The following PCDHA1 variants were observed in gnomAD, a reference collection of about 807,000 sequenced individuals.
PCDHA1 encodes protocadherin alpha 1.
A neutral mutation model predicts 61.3 loss-of-function variants in PCDHA1; 42 were observed. That is an observed-to-expected ratio of 0.69 (90% CI 0.54 to 0.89). The LOEUF (loss-of-function observed/expected upper bound fraction) is 0.89, where lower values mean the gene tolerates loss of function less well. Among genes scored for constraint, PCDHA1 ranks in the 40% least tolerant of loss-of-function variants. The pLI is 0.00. For synonymous variants in PCDHA1, 610 were observed against 553.8 expected (o/e 1.10, Z -1.43); for missense variants, 1,256 against 1,235.3 (o/e 1.02, Z -0.25).
intron 1 of PCDHA1, among the ~76,000 whole-genome samples, chr5:140,834,039 C>T (rs2150213066): frequency 6.6e-6 from 1 of 152,144 alleles, no homozygotes; most frequent in Non-Finnish European, 1.5e-5. Flanking sequence ...CATCAGTCGC[C>T]TAAGAATGCT....
At chr5:140,849,641 C>T (rs2150443548) in intron 1 of PCDHA1, 8 of 1,598,742 alleles carry the variant, frequency 5.0e-6, no homozygotes, top group East Asian at 2.2e-5. Flanking sequence ...CAGATGCCAA[C>T]GGGCAGGTTA....
intron 1 of PCDHA1, among the ~76,000 whole-genome samples, chr5:140,820,471 G>T (rs1189963482): frequency 6.6e-6 from 1 of 151,866 alleles, no homozygotes; most frequent in Non-Finnish European, 1.5e-5. Flanking sequence ...ACAGGTAAGG[G>T]ATATTTTGTA....
At chr5:140,802,983 G>T in intron 1 of PCDHA1, 4 of 1,614,026 alleles carry the variant, frequency 2.5e-6, no homozygotes, top group South Asian at 1.1e-5. Flanking sequence ...GAAGGTGCGC[G>T]CAGTGGATGC....
At position 140,962,458 on chromosome 5, in the gene PCDHA1, G is replaced by A. The variant is rs535139362; in HGVS notation, c.2395-16491G>A. ...CCAAAGATGGCTTGAATCTCTTATG[G>A]CTTGAATCTCTTTGTTTATTCTAAG... On this transcript the variant is annotated intron_variant, in intron 1 of 3. Transcript: ENST00000504120. Among the ~76,000 whole-genome samples, 222 of 152,088 alleles carry A rather than the reference G, an allele frequency of 1.5e-3. 9 individuals carry two copies. In the South Asian group the frequency reaches 0.044, roughly 30 times the overall value.
Position 140,852,095 on chromosome 5 carries a change from A to T in PCDHA1, c.2394+63411A>T. The stretch of plus-strand genomic sequence containing the variant: ...CAGCTATTTTATTTAATATTGTGTC[A>T]GATATTTTACAAGGTATGACCTAAT... On this transcript the variant is annotated intron_variant, in intron 1 of 3. Transcript: ENST00000504120. 16 of 908,222 alleles carry T rather than the reference A, an allele frequency of 1.8e-5. 1 individual carries two copies. Among genetic ancestry groups the T allele is most frequent in the Non-Finnish European group, 2.1e-5 (16 of 745,934 alleles). The allele number at this position is 908,222 out of a possible 1,614,324, so 56.3% of individuals were successfully genotyped here.
At chr5:140,941,317 C>T (rs1264351232) in intron 1 of PCDHA1, among the ~76,000 whole-genome samples, 5 of 99,210 alleles carry the variant, frequency 5.0e-5, no homozygotes, top group Admixed American at 1.1e-4. Flanking sequence ...TTTCTTCTTT[C>T]TCTTTTTTTT....
intron 3 of PCDHA1, among the ~76,000 whole-genome samples, chr5:140,998,569 G>GTT (rs71574497): frequency 0.068 from 10,108 of 149,316 alleles, 392 homozygotes; most frequent in Middle Eastern, 0.14. Flanking sequence ...TTGTAAATAA[G>GTT]TTTTTTTTTT....
chr5:140,859,951 A>G (rs1376166288), intron 1 of PCDHA1: 3 of 151,970 alleles, frequency 2.0e-5, no homozygotes, highest in African/African-American at 7.3e-5. Context: ...ACTCATATCA[A>G]TTGTAAAAGT....
intron 1 of PCDHA1, chr5:140,836,768 A>G: frequency 9.0e-6 from 14 of 1,555,112 alleles, no homozygotes; most frequent in Non-Finnish European, 1.2e-5. Flanking sequence ...GTTTCCAACA[A>G]TTTTAAAACA....
chr5:140,900,030 G>A (rs1159979332), intron 1 of PCDHA1, among the ~76,000 whole-genome samples: 1 of 152,086 alleles, frequency 6.6e-6, no homozygotes, highest in Admixed American at 6.6e-5. Context: ...GTTTGGCCTT[G>A]AATTCCTGGG....
intron 1 of PCDHA1, chr5:140,968,133 A>G (rs782213191): frequency 1.5e-5 from 24 of 1,614,022 alleles, no homozygotes; most frequent in Middle Eastern, 3.3e-4. Flanking sequence ...CGTACACTGA[A>G]GGTTGAGATC....
At chr5:140,874,887 T>G (rs1315281628) in intron 1 of PCDHA1, among the ~76,000 whole-genome samples, 2 of 152,350 alleles carry the variant, frequency 1.3e-5, no homozygotes, top group East Asian at 3.9e-4. Context: ...AATTCCTAAC[T>G]TTCTCTAAAA....
At position 140,910,974 on chromosome 5, in the gene PCDHA1, T is replaced by G. The variant is rs114099897; in HGVS notation, c.2395-67975T>G. Among the ~76,000 whole-genome samples the G allele has an allele frequency of 8.0e-3, 1,211 of 152,160 alleles. 6 individuals carry two copies. The highest frequency in any genetic ancestry group is 0.019 in the African/African-American group (781 of 41,520). On this transcript the variant is annotated intron_variant, in intron 1 of 3. Coordinates refer to ENST00000504120, the MANE Select transcript of PCDHA1 (RefSeq NM_018900.4). ...CGAGTGTAGCACACCTCCTCATGGG[T>G]TATACTCTGAACCTCACCCCTAGGG...
At chr5:140,967,585 C>T (rs1278675624) in intron 1 of PCDHA1, 1 of 1,614,152 alleles carries the variant, frequency 6.2e-7, no homozygotes, top group Non-Finnish European at 8.5e-7. Flanking sequence ...CACCCCCAGG[C>T]ACATTGGTGG....
At chr5:140,836,331 C>A (rs2150258002) in intron 1 of PCDHA1, 4 of 1,613,758 alleles carry the variant, frequency 2.5e-6, no homozygotes, top group South Asian at 1.1e-5. Flanking sequence ...CCTTCTGGTG[C>A]TTGTGAAGGA....
At chr5:140,842,314 G>A (rs1777869139) in intron 1 of PCDHA1, 6 of 1,607,200 alleles carry the variant, frequency 3.7e-6, no homozygotes, top group Non-Finnish European at 5.1e-6. Flanking sequence ...CTCCCATGGC[G>A]GGTCATTGCA....
At chr5:140,994,785 A>G (rs942763350) in intron 3 of PCDHA1, among the ~76,000 whole-genome samples, 2 of 152,168 alleles carry the variant, frequency 1.3e-5, no homozygotes, top group African/African-American at 4.8e-5. Flanking sequence ...AAAGGAAACA[A>G]TGCGTGCATG....
At position 140,836,827 on chromosome 5, in the gene PCDHA1, G is replaced by A. The variant is rs1774764727; in HGVS notation, c.2394+48143G>A. Reference sequence around the variant, plus strand: ...ATTTTCTTTCATAATTTCTTTTTTAGTTGATAGCTTTATGTATAATTATTA... The same window carrying A: ...ATTTTCTTTCATAATTTCTTTTTTAATTGATAGCTTTATGTATAATTATTA... On this transcript the variant is annotated intron_variant, in intron 1 of 3. Transcript: ENST00000504120. The A allele has an allele frequency of 2.9e-5, 28 of 968,068 alleles. No homozygotes were observed. The South Asian group carries it at 4.7e-4, about 16-fold the overall frequency. 60.0% of individuals were successfully genotyped at this position (968,068 alleles called of 1,614,324 possible).
intron 1 of PCDHA1, chr5:140,813,106 A>G (rs1554126121): frequency 1.3e-5 from 2 of 152,152 alleles, no homozygotes; most frequent in African/African-American, 4.8e-5. Context: ...AGAAGACTGT[A>G]TATTTGCTGC....
Sources: allele counts gnomAD v4.1 joint callset (sites outside exome capture counted in the v4.1 genomes callset), GRCh38; gene constraint gnomAD v4.1.1; transcripts MANE v1.5; gene names NCBI Gene and HGNC (gene_info 2026-07-23, HGNC 2026-07-21).